The following PCNT variants were observed in gnomAD, a reference collection of about 807,000 sequenced individuals.
PCNT encodes the protein kendrin.
In PCNT, 319 loss-of-function variants were observed where a neutral mutation model predicts 380.4. The observed-to-expected ratio is 0.84, with a 90% CI of 0.77 to 0.92. The LOEUF (loss-of-function observed/expected upper bound fraction) is 0.92. Among genes scored for constraint, PCNT ranks in the 40% least tolerant of loss-of-function variants. The probability of loss-of-function intolerance (pLI) is 0.00; values close to 1 mark genes in which losing one functional copy is unlikely to be tolerated. For synonymous variants in PCNT, 1,845 were observed against 1,735.2 expected, an observed-to-expected ratio of 1.06 and a Z score of -1.57; for missense variants, 4,400 against 4,255.3, an observed-to-expected ratio of 1.03 and a Z score of -0.95.
At chr21:46,349,506 C>CATG (rs796488813) in intron 7 of PCNT, among the ~76,000 whole-genome samples, 178 bp from the exon 8 acceptor site, 16 of 152,278 alleles carry the variant, frequency 1.1e-4, no homozygotes, top group African/African-American at 3.6e-4. Context: ...TGGTGGGTGG[C>CATG]ATGGGTAGGC....
chr21:46,353,536 T>A (rs1017248169), intron 10 of PCNT, among the ~76,000 whole-genome samples: 3 of 152,016 alleles, frequency 2.0e-5, no homozygotes, highest in Admixed American at 6.5e-5. Flanking sequence ...GTGGCCACAC[T>A]CTGTCCAGGC....
Position 46,443,846 on chromosome 21 carries a change from C to T in PCNT, c.9737C>T (p.Thr3246Ile). The change falls in exon 45 of 47, where the codon ACC becomes ATC. Residue 3246 changes from threonine to isoleucine, a missense_variant. Transcript: ENST00000359568. ...CGACAGCCGCAGTCTCCACCCAGAACCAGAGAGTCCCCCCCAACCCGGGAT... is the reference window on the plus strand; with the variant it reads ...CGACAGCCGCAGTCTCCACCCAGAATCAGAGAGTCCCCCCCAACCCGGGAT... ...RARQPQSPPR[T>I]RESPPTRDVP... 6.2e-7 allele frequency: 1 copy of T among 1,613,506 alleles called. No individual in the cohort carries two copies.
intron 1 of PCNT, among the ~76,000 whole-genome samples, chr21:46,326,120 G>A (rs1345405082): frequency 9.2e-5 from 14 of 152,144 alleles, no homozygotes; most frequent in Admixed American, 9.2e-4. Flanking sequence ...ACTGCCAAGG[G>A]CTAGGAAAGC....
In PCNT at chr21:46,436,757, G is replaced by A. The variant is rs35418111; in HGVS notation, c.8997-222G>A. ...GCGGTGGCTTCCCGTGCTCGGTGGCGCGCCTCCCGGCTGGAGGTTTCTGAG... is the reference window on the plus strand; with the variant it reads ...GCGGTGGCTTCCCGTGCTCGGTGGCACGCCTCCCGGCTGGAGGTTTCTGAG... On this transcript the variant is annotated intron_variant, in intron 39 of 46. Coordinates refer to ENST00000359568, the MANE Select transcript of PCNT (RefSeq NM_006031.6). Among the ~76,000 whole-genome samples the A allele has an allele frequency of 0.073, 11,098 of 152,052 alleles. 537 individuals are homozygous for A. The highest frequency in any genetic ancestry group is 0.19 in the East Asian group (982 of 5,134).
intron 1 of PCNT, 29 bp downstream of exon 1, chr21:46,324,311 G>A: frequency 1.3e-6 from 2 of 1,577,414 alleles, no homozygotes; most frequent in South Asian, 1.1e-5. Flanking sequence ...TTCTCTAGCT[G>A]CTCTGGCGTG....
chr21:46,352,718 G>C (rs1050167169), intron 9 of PCNT, among the ~76,000 whole-genome samples: 13 of 152,160 alleles, frequency 8.5e-5, no homozygotes, highest in African/African-American at 3.1e-4. Flanking sequence ...TCTGTCCAGG[G>C]TCCCCCATAG....
chr21:46,365,829 G>C (rs539685009), intron 14 of PCNT, among the ~76,000 whole-genome samples: 1 of 139,210 alleles, frequency 7.2e-6, no homozygotes, highest in South Asian at 2.5e-4. Context: ...CACTGCCGTG[G>C]GGTTCCGTTC....
chr21:46,411,365 C>T lies in PCNT; in HGVS notation c.5292C>T (p.Ser1764=), dbSNP rs773113520. 3.1e-6 allele frequency: 5 copies of T among 1,614,086 alleles called. No individual in the cohort carries two copies. Among genetic ancestry groups the T allele is most frequent in the Non-Finnish European group, 8.5e-7 (1 of 1,180,020 alleles). The change falls in exon 28 of 47, where the codon AGC becomes AGT. Residue 1764 remains serine, a synonymous_variant. Transcript: ENST00000359568. ...SLMGPVVHEV[S]DSQAGSLQSE... ...TGGGGCCTGTGGTGCACGAAGTCAG[C>T]GACAGTCAGGCTGGCAGTCTGCAGA...
Position 46,411,730 on chromosome 21 carries a change from C to T in PCNT, c.5657C>T (p.Ala1886Val), listed in dbSNP as rs2086791335. The T allele has an allele frequency of 1.2e-6, 2 of 1,611,996 alleles. No homozygotes were observed. Among genetic ancestry groups the T allele is most frequent in the East Asian group, 2.2e-5 (1 of 44,872 alleles). Reference sequence around the variant, plus strand: ...GACGCTCTGAACCAGCGGAAGGCGGCCCACTCTGCCGAGCTGGAGGCCGTC... The same window carrying T: ...GACGCTCTGAACCAGCGGAAGGCGGTCCACTCTGCCGAGCTGGAGGCCGTC... ...EIDALNQRKA[A>V]HSAELEAVLL... Residue 1886 changes from alanine (A) to valine (V), a missense_variant, in exon 28 of 47, where the codon GCC becomes GTC. Coordinates refer to ENST00000359568, the MANE Select transcript of PCNT (RefSeq NM_006031.6).
chr21:46,349,860 G>A, intron 8 of PCNT, 40 bp downstream of exon 8: 1 of 1,601,494 alleles, frequency 6.2e-7, no homozygotes, highest in Non-Finnish European at 8.6e-7. Context: ...TGGTATATTA[G>A]GGAAGTTTTA....
At chr21:46,429,974 CA>C (rs1339042248) in intron 35 of PCNT, 35 bp from the exon 36 acceptor site, 27 of 1,559,540 alleles carry the variant, frequency 1.7e-5, no homozygotes, top group Non-Finnish European at 2.2e-5. Context: ...ACGAGGAGCT[CA>C]TGGGGGCCTG....
chr21:46,442,425 T>C, intron 43 of PCNT, 72 bp from the exon 44 acceptor site: 1 of 927,710 alleles, frequency 1.1e-6, no homozygotes, highest in South Asian at 1.4e-5. Flanking sequence ...TTGGTCACAG[T>C]GGGGTTTTCA....
Position 46,363,486 on chromosome 21 carries a change from C to A in PCNT, c.2161C>A (p.His721Asn). The A allele has an allele frequency of 6.2e-7, 1 of 1,610,974 alleles. No individual in the cohort carries two copies. The highest frequency in any genetic ancestry group is 8.5e-7 in the Non-Finnish European group (1 of 1,177,402). ...GAAATTATGTTGTCTGTAGGTAAAA[C>A]ACAATCTAATTGAAGACCACCAGAA... ...RLKDDLEKVK[H>N]NLIEDHQKEL... Residue 721 changes from histidine to asparagine, a missense_variant, in exon 14 of 47, where the codon CAC (histidine) becomes AAC (asparagine). By Grantham distance (68) the His-to-Asn change is moderately conservative. Coordinates refer to ENST00000359568, the MANE Select transcript of PCNT (RefSeq NM_006031.6).
chr21:46,350,102 C>T (rs1337570256), intron 8 of PCNT, among the ~76,000 whole-genome samples: 2 of 152,056 alleles, frequency 1.3e-5, no homozygotes, highest in Admixed American at 6.6e-5. Context: ...TCGCTTGAAC[C>T]TAGGAGGTGG....
intron 45 of PCNT, 84 bp from the exon 46 acceptor site, chr21:46,444,610 C>A: frequency 2.0e-6 from 3 of 1,489,552 alleles, no homozygotes; most frequent in Non-Finnish European, 2.8e-6. Context: ...CTTTCTTCTG[C>A]ACTCAGTCAC....
intron 3 of PCNT, among the ~76,000 whole-genome samples, chr21:46,343,651 ATTCT>A (rs1275983341): frequency 2.6e-5 from 4 of 152,028 alleles, no homozygotes; most frequent in South Asian, 2.1e-4. Flanking sequence ...TTTAGGAAGG[ATTCT>A]TTCTTTCTCT....
intron 35 of PCNT, among the ~76,000 whole-genome samples, chr21:46,429,619 C>T (rs1298062589): frequency 6.6e-6 from 1 of 152,186 alleles, no homozygotes; most frequent in African/African-American, 2.4e-5. Context: ...GTAGCCCCTC[C>T]GCCCTCCGTT....
chr21:46,443,704 C>T (rs1047461346), intron 44 of PCNT, 106 bp from the exon 45 acceptor site: 1 of 1,074,214 alleles, frequency 9.3e-7, no homozygotes, highest in East Asian at 2.4e-5. Flanking sequence ...AATTGCCATA[C>T]AGGCTCTTAA....
chr21:46,364,019 C>T (rs1279841437), intron 14 of PCNT, 85 bp downstream of exon 14: 12 of 1,265,970 alleles, frequency 9.5e-6, no homozygotes, highest in African/African-American at 4.4e-5. Flanking sequence ...TGGGAGGAGG[C>T]GCTGTGGGCT....
Sources: gnomAD v4.1 joint callset for allele counts (sites outside exome capture counted in the v4.1 genomes callset) on GRCh38, gnomAD v4.1.1 for gene constraint, MANE v1.5 for transcripts, NCBI Gene and HGNC (gene_info 2026-07-23, HGNC 2026-07-21) for gene names.